The following SLC48A1 variants were observed in gnomAD, a reference collection of about 807,000 sequenced individuals.
The protein encoded by SLC48A1 is heme transporter HRG1.
In SLC48A1, 6 loss-of-function variants were observed where a neutral mutation model predicts 14.8. The ratio of observed to expected loss-of-function variants is 0.41; its 90% CI spans 0.22 to 0.80. The LOEUF (loss-of-function observed/expected upper bound fraction) is 0.80, where lower values mean the gene tolerates loss of function less well. Ranked by LOEUF, SLC48A1 falls within the 30% of genes least tolerant of loss-of-function variation. The pLI, the probability that SLC48A1 is intolerant of heterozygous loss-of-function variation, is 0.34. For synonymous variants in SLC48A1, 89 were observed against 90.0 expected (o/e 0.99, Z 0.06); for missense variants, 165 against 204.8 (o/e 0.81, Z 1.19).
upstream of SLC48A1, chr12:47,769,459 C>T (rs186139598): frequency 2.9e-4 from 44 of 152,344 alleles, no homozygotes; most frequent in Non-Finnish European, 4.4e-4. Context: ...TTCCCATTCT[C>T]AAGGTCTTTC....
chr12:47,778,373 C>T (rs777461751), intron 1 of SLC48A1: 1 of 152,350 alleles, frequency 6.6e-6, no homozygotes, highest in Admixed American at 6.5e-5. Flanking sequence ...GTTGGGTGGC[C>T]CTGGAGTCTT....
At chr12:47,758,531 C>G (rs1236492193), upstream of SLC48A1, 3 of 1,613,796 alleles carry the variant, frequency 1.9e-6, no homozygotes, top group South Asian at 1.1e-5. Flanking sequence ...CCTCCTCAAC[C>G]CTGACCCCAC....
chr12:47,754,777 TTC>T (rs989638467), upstream of SLC48A1, among the ~76,000 whole-genome samples: 2 of 152,170 alleles, frequency 1.3e-5, no homozygotes, highest in African/African-American at 4.8e-5. Context: ...AGTTTCAGGG[TTC>T]TCAGTTGGGA....
chr12:47,773,809 A>AACACACACACACACACACACACGCAC (rs34356737), intron 1 of SLC48A1, among the ~76,000 whole-genome samples: 2 of 150,632 alleles, frequency 1.3e-5, no homozygotes, highest in Non-Finnish European at 3.0e-5. Flanking sequence ...CCTATCCCCA[A>AACACACACACACACACACACACGCAC]ACACACACAC....
intron 2 of SLC48A1, among the ~76,000 whole-genome samples, chr12:47,779,761 G>T (rs761912571): frequency 5.9e-5 from 9 of 152,204 alleles, no homozygotes; most frequent in Non-Finnish European, 1.0e-4. Context: ...CAGGTGAGGG[G>T]CAAGCGAGCC....
chr12:47,757,519 T>C (rs1942147353), upstream of SLC48A1, among the ~76,000 whole-genome samples: 1 of 152,072 alleles, frequency 6.6e-6, no homozygotes, highest in Non-Finnish European at 1.5e-5. Flanking sequence ...CTCCAACCCA[T>C]TGACCCGGCC....
intron 1 of SLC48A1, among the ~76,000 whole-genome samples, chr12:47,773,882 C>T (rs540513366): frequency 1.3e-5 from 2 of 152,356 alleles, no homozygotes; most frequent in South Asian, 2.1e-4. Flanking sequence ...GCGCCCCTTC[C>T]CTGGGTGCTG....
rs923737547 is a variant in SLC48A1, at chr12:47,779,107, C to T, written c.216C>T (p.Arg72=). Residue 72 remains arginine (R), a synonymous_variant, in exon 2 of 3, where the codon CGC becomes CGT. Transcript: ENST00000442218. ...GGAGGACCTGGCTCAAGGGGCTGCG[C>T]GGCTTCTTCTTCGTGGGCGTCCTCT... ...DYWRTWLKGL[R]GFFFVGVLFS... 1.0e-5 allele frequency: 16 copies of T among 1,551,766 alleles called. No individual in the cohort carries two copies. Among genetic ancestry groups the T allele is most frequent in the African/African-American group, 9.6e-5 (7 of 73,036 alleles).
chr12:47,779,005 G>T, intron 1 of SLC48A1, 23 bp from the exon 2 acceptor site: 2 of 1,549,768 alleles, frequency 1.3e-6, no homozygotes, highest in East Asian at 2.4e-5. Context: ...CTGGGGATGG[G>T]CCCTGATGTG....
chr12:47,772,216 C>T (rs1380045919), upstream of SLC48A1: 1 of 154,722 alleles, frequency 6.5e-6, no homozygotes, highest in African/African-American at 2.4e-5. Flanking sequence ...TGTGGCAGAG[C>T]CCTTGTTATT....
At chr12:47,756,573 C>G (rs1455275030), upstream of SLC48A1, 1 of 152,072 alleles carries the variant, frequency 6.6e-6, no homozygotes, top group Non-Finnish European at 1.5e-5. Context: ...CTTGGTAGGT[C>G]TCAGTTTTTT....
upstream of SLC48A1, chr12:47,758,250 C>T: frequency 2.1e-6 from 3 of 1,432,920 alleles, no homozygotes; most frequent in Non-Finnish European, 2.7e-6. Context: ...TTCACTGGGG[C>T]CTGCCGGTCT....
At chr12:47,758,353 C>T (rs972088723), upstream of SLC48A1, 1 of 1,460,218 alleles carries the variant, frequency 6.8e-7, no homozygotes, top group Non-Finnish European at 9.1e-7. Context: ...GCCCATGCCC[C>T]TGCAGGGATC....
At chr12:47,769,841 A>T (rs571193224), upstream of SLC48A1, among the ~76,000 whole-genome samples, 8 of 152,316 alleles carry the variant, frequency 5.3e-5, no homozygotes, top group East Asian at 1.3e-3. Context: ...TAATTAAATT[A>T]AATTTAAATT....
intron 1 of SLC48A1, 47 bp from the exon 2 acceptor site, chr12:47,778,981 G>A: frequency 6.5e-7 from 1 of 1,526,718 alleles, no homozygotes; most frequent in Non-Finnish European, 8.8e-7. Flanking sequence ...GGATCTGCAG[G>A]GCTCTGGAGC....
In SLC48A1 at chr12:47,777,527, G is replaced by C. The variant is rs182918585; in HGVS notation, c.137-1501G>C. On this transcript the variant is annotated intron_variant, in intron 1 of 2. Transcript: ENST00000442218. This position sits in a 1 kb window ranked among gnomAD's most constrained non-coding sequence, Gnocchi z 4.5. ...AGGCTTTGGGACACAGCAGTGCCAGGCTCCTGGTTTCTTGGCTTGGAGTCT... is the reference window on the plus strand; with the variant it reads ...AGGCTTTGGGACACAGCAGTGCCAGCCTCCTGGTTTCTTGGCTTGGAGTCT... Among the ~76,000 whole-genome samples the C allele has an allele frequency of 1.1e-3, 163 of 152,294 alleles. 1 individual carries two copies. Among genetic ancestry groups the C allele is most frequent in the African/African-American group, 3.8e-3 (158 of 41,556 alleles).
intron 2 of SLC48A1, among the ~76,000 whole-genome samples, chr12:47,762,527 G>C (rs1381357526): frequency 6.6e-6 from 1 of 152,144 alleles, no homozygotes; most frequent in African/African-American, 2.4e-5. Flanking sequence ...GCATCTCTCT[G>C]TTATGCCCCA....
Position 47,780,325 on chromosome 12 carries a change from T to G in SLC48A1, c.*44T>G, listed in dbSNP as rs1414487769. On this transcript the variant is annotated 3_prime_UTR_variant, in exon 3 of 3. Transcript: ENST00000442218. Reference sequence around the variant, plus strand: ...TGCACCCTGGGGGGGCCTTAGGACCTGGACTCAGCCTCTGAGATGTTGGGA... The same window carrying G: ...TGCACCCTGGGGGGGCCTTAGGACCGGGACTCAGCCTCTGAGATGTTGGGA... 1.2e-6 allele frequency: 2 copies of G among 1,614,010 alleles called. No individual in the cohort carries two copies. Among genetic ancestry groups the G allele is most frequent in the Admixed American group, 3.3e-5 (2 of 60,024 alleles).
intron 1 of SLC48A1, among the ~76,000 whole-genome samples, chr12:47,775,079 C>A (rs541390076): frequency 6.6e-6 from 1 of 152,130 alleles, no homozygotes; most frequent in Admixed American, 6.5e-5. Context: ...CCTACCTGGC[C>A]GTTTGACCCT....
Sources: gnomAD v4.1 joint callset for allele counts (sites outside exome capture counted in the v4.1 genomes callset) on GRCh38, gnomAD v4.1.1 for gene constraint, Gnocchi (gnomAD v3.1) non-coding constraint, MANE v1.5 for transcripts, NCBI Gene and HGNC (gene_info 2026-07-23, HGNC 2026-07-21) for gene names.